The following NXPH1 variants were observed in gnomAD, a reference collection of about 807,000 sequenced individuals.
NXPH1 encodes neurexophilin-1.
A neutral mutation model predicts 23.7 loss-of-function variants in NXPH1; 5 were observed. That is an observed-to-expected ratio of 0.21 (90% CI 0.11 to 0.44). The LOEUF (loss-of-function observed/expected upper bound fraction) is 0.44, where lower values mean the gene tolerates loss of function less well. Among genes scored for constraint, NXPH1 ranks in the 20% least tolerant of loss-of-function variants. The probability of loss-of-function intolerance (pLI) is 0.99; values close to 1 mark genes in which losing one functional copy is unlikely to be tolerated. For synonymous variants in NXPH1, 144 were observed against 122.2 expected (o/e 1.18, Z -1.18); for missense variants, 324 against 321.6 (o/e 1.01, Z -0.06).
In NXPH1 at chr7:8,744,898, T is replaced by A. The variant is rs373880335; in HGVS notation, c.55-6110T>A. On this transcript the variant is annotated intron_variant, in intron 2 of 2. Coordinates refer to ENST00000405863, the MANE Select transcript of NXPH1 (RefSeq NM_152745.3). ...TGTTTTGGTTCAGGTTCACTTCTTT[T>A]TCAAATGAAATATTGCAATTAGTTA... is the stretch of plus-strand genomic sequence containing the variant. Among the ~76,000 whole-genome samples the A allele has an allele frequency of 2.0e-5, 3 of 152,316 alleles. 1 individual carries two copies. The highest frequency in any genetic ancestry group is 4.1e-4 in the South Asian group (2 of 4,828).
intron 2 of NXPH1, among the ~76,000 whole-genome samples, chr7:8,451,163 T>A (rs937167158): frequency 2.6e-5 from 4 of 151,970 alleles, no homozygotes; most frequent in Admixed American, 1.3e-4. Context: ...TTTTTTCTTA[T>A]AGATCCCTTA....
chr7:8,670,186 C>T (rs1364224989), intron 2 of NXPH1, among the ~76,000 whole-genome samples: 2 of 152,114 alleles, frequency 1.3e-5, no homozygotes, highest in African/African-American at 2.4e-5. Flanking sequence ...GATTCTCTTT[C>T]TTTTGTTCTG....
chr7:8,715,574 A>G (rs779909156), intron 2 of NXPH1, among the ~76,000 whole-genome samples: 4 of 152,194 alleles, frequency 2.6e-5, no homozygotes, highest in Non-Finnish European at 4.4e-5. Context: ...TCAGGTTGCT[A>G]TAATCAGTTA....
intron 2 of NXPH1, among the ~76,000 whole-genome samples, chr7:8,733,640 C>CT (rs887947798): frequency 6.3e-4 from 96 of 151,442 alleles, no homozygotes; most frequent in African/African-American, 2.3e-3. Flanking sequence ...CAGTGATGAG[C>CT]TTTTTTTTTA....
intron 2 of NXPH1, among the ~76,000 whole-genome samples, chr7:8,491,222 A>G (rs1817243418): frequency 6.6e-6 from 1 of 152,036 alleles, no homozygotes. Flanking sequence ...ATTTCCAGCC[A>G]GGCATAATTT....
chr7:8,518,224 G>C (rs1287167362), intron 2 of NXPH1, among the ~76,000 whole-genome samples: 1 of 152,062 alleles, frequency 6.6e-6, no homozygotes. Flanking sequence ...TCCATATTAA[G>C]AACGATTTGT....
At chr7:8,525,262 A>G (rs1817843786) in intron 2 of NXPH1, among the ~76,000 whole-genome samples, 1 of 152,204 alleles carries the variant, frequency 6.6e-6, no homozygotes. Context: ...GGAACTTTGA[A>G]CTTGAGAGAG....
At chr7:8,670,645 G>A (rs1163107409) in intron 2 of NXPH1, among the ~76,000 whole-genome samples, 1 of 152,164 alleles carries the variant, frequency 6.6e-6, no homozygotes, top group Non-Finnish European at 1.5e-5. Context: ...CCTTTAGGCT[G>A]CCCAATATCG....
At chr7:8,445,134 G>C (rs1584158868) in intron 2 of NXPH1, among the ~76,000 whole-genome samples, 1 of 152,198 alleles carries the variant, frequency 6.6e-6, no homozygotes, top group African/African-American at 2.4e-5. Context: ...AGCATGCTGA[G>C]AAAGGAAAAT....
At chr7:8,529,597 G>A (rs1817920672) in intron 2 of NXPH1, among the ~76,000 whole-genome samples, 1 of 152,134 alleles carries the variant, frequency 6.6e-6, no homozygotes, top group Non-Finnish European at 1.5e-5. Context: ...TCAAGTCTTG[G>A]CTTTGCCAGT....
chr7:8,438,876 T>C (rs1163438315), intron 2 of NXPH1, among the ~76,000 whole-genome samples: 1 of 152,188 alleles, frequency 6.6e-6, no homozygotes, highest in Non-Finnish European at 1.5e-5. Flanking sequence ...AAATAGAAGC[T>C]TATTTTAGTA....
intron 2 of NXPH1, among the ~76,000 whole-genome samples, chr7:8,736,015 T>C (rs1780248354): frequency 6.6e-6 from 1 of 152,190 alleles, no homozygotes; most frequent in Non-Finnish European, 1.5e-5. Flanking sequence ...CCTATTCGAT[T>C]CTTCTCTTTT....
At chr7:8,544,067 G>C (rs1025618450) in intron 2 of NXPH1, among the ~76,000 whole-genome samples, 27 of 151,630 alleles carry the variant, frequency 1.8e-4, no homozygotes. Flanking sequence ...CAAGCCTAGT[G>C]TTCTTGCTGG....
chr7:8,499,813 G>A (rs114655012), intron 2 of NXPH1, among the ~76,000 whole-genome samples: 3,237 of 152,132 alleles, frequency 0.021, 120 homozygotes, highest in African/African-American at 0.073. Context: ...GCAGCTGGAC[G>A]AGCCATGGCT....
At chr7:8,556,407 C>G (rs1307677734) in intron 2 of NXPH1, among the ~76,000 whole-genome samples, 3 of 151,692 alleles carry the variant, frequency 2.0e-5, no homozygotes, top group Non-Finnish European at 4.4e-5. Flanking sequence ...ACTCACCTGG[C>G]TGTCAAGTTG....
chr7:8,750,891 C>A, intron 2 of NXPH1, 117 bp from the exon 3 acceptor site: 1 of 1,014,750 alleles, frequency 9.9e-7, no homozygotes, highest in Admixed American at 2.4e-5. Context: ...AGATGCGGTG[C>A]TTTTAAAAAA....
intron 2 of NXPH1, among the ~76,000 whole-genome samples, chr7:8,706,145 C>A (rs1779702370): frequency 6.6e-6 from 1 of 152,176 alleles, no homozygotes; most frequent in Non-Finnish European, 1.5e-5. Context: ...TCAACTTCTG[C>A]AGTTAACTAA....
intron 2 of NXPH1, among the ~76,000 whole-genome samples, chr7:8,586,695 A>G (rs1313378300): frequency 6.6e-6 from 1 of 151,860 alleles, no homozygotes; most frequent in Non-Finnish European, 1.5e-5. Flanking sequence ...TAAGTTGGAG[A>G]TTTATTTTAG....
intron 2 of NXPH1, among the ~76,000 whole-genome samples, chr7:8,673,055 T>G (rs1820895200): frequency 1.3e-5 from 2 of 152,312 alleles, no homozygotes; most frequent in East Asian, 3.9e-4. Context: ...GGTGATATAT[T>G]GAAAACATCT....
Sources: gnomAD v4.1 joint callset for allele counts (sites outside exome capture counted in the v4.1 genomes callset) on GRCh38, gnomAD v4.1.1 for gene constraint, MANE v1.5 for transcripts, NCBI Gene and HGNC (gene_info 2026-07-23, HGNC 2026-07-21) for gene names.